TRIM46: variants seen among roughly 807,000 people sequenced by gnomAD.
TRIM46 encodes the protein tripartite motif containing 46, also known as tripartite motif-containing protein 46.
In TRIM46, 17 loss-of-function variants were observed where a neutral mutation model predicts 69.7. The ratio of observed to expected loss-of-function variants is 0.24; its 90% CI spans 0.17 to 0.37. The LOEUF (loss-of-function observed/expected upper bound fraction) is 0.37. Ranked by LOEUF, TRIM46 falls within the 10% of genes least tolerant of loss-of-function variation. TRIM46 has a pLI of 1.00. For missense variants in TRIM46, 675 were observed against 1,025.1 expected (o/e 0.66, Z 4.66); for synonymous variants, 391 against 429.0 (o/e 0.91, Z 1.09).
At position 155,175,309 on chromosome 1, in the gene TRIM46, A is replaced by G; in HGVS notation, c.64-77A>G. On this transcript the variant is annotated intron_variant, in intron 1 of 9. Coordinates refer to ENST00000334634, the MANE Select transcript of TRIM46 (RefSeq NM_025058.5). The surrounding 1 kb of genome is among the most constrained non-coding windows in gnomAD (Gnocchi z 4.2). ...TGCTCCTTCCTCAGACCCCTAGGGTATCCAAGGGCAGCCAAGGGGCTGCTG... is the reference window on the plus strand; with the variant it reads ...TGCTCCTTCCTCAGACCCCTAGGGTGTCCAAGGGCAGCCAAGGGGCTGCTG... 1 of 1,592,678 alleles carries G rather than the reference A, an allele frequency of 6.3e-7. No homozygotes were observed. Among genetic ancestry groups the G allele is most frequent in the South Asian group, 1.1e-5 (1 of 87,988 alleles).
At chr1:155,178,739 T>TGGGGCCCCCCCCCCCCC in intron 7 of TRIM46, 126 bp downstream of exon 7, 14 of 1,348,452 alleles carry the variant, frequency 1.0e-5, no homozygotes, top group Non-Finnish European at 1.3e-5. Flanking sequence ...CAGCCATTCC[T>TGGGGCCCCCCCCCCCCC]CCCACCCAGC....
At position 155,175,510 on chromosome 1, in the gene TRIM46, A is replaced by T; in HGVS notation, c.188A>T (p.Gln63Leu). ...GCCTGTGCCCGAGAGGTCTTGGGCC[A>T]GCAGGGCTACATAGGACATGGTGGG... The part of the protein sequence containing the change: ...CQACAREVLG[Q>L]QGYIGHGGDP... Residue 63 changes from glutamine (Q) to leucine (L), a missense_variant, in exon 2 of 10, where the codon CAG (glutamine) becomes CTG (leucine). By Grantham distance (113) the Gln-to-Leu change is moderately radical. Transcript: ENST00000334634. This position sits in a 1 kb window ranked among gnomAD's most constrained non-coding sequence, Gnocchi z 4.2. The T allele has an allele frequency of 6.2e-7, 1 of 1,614,128 alleles. No individual in the cohort carries two copies. Among genetic ancestry groups the T allele is most frequent in the Non-Finnish European group, 8.5e-7 (1 of 1,179,988 alleles).
Position 155,178,017 on chromosome 1 carries a change from G to A in TRIM46, c.925G>A (p.Ala309Thr), listed in dbSNP as rs1404626388. The A allele has an allele frequency of 6.2e-7, 1 of 1,613,080 alleles. No homozygotes were observed. The highest frequency in any genetic ancestry group is 1.3e-5 in the African/African-American group (1 of 74,916). Residue 309 changes from alanine to threonine, a missense_variant, in exon 6 of 10, where the codon GCC becomes ACC. By Grantham distance (58) the Ala-to-Thr change is moderately conservative. Transcript: ENST00000334634. ...VRHTEVSGQQ[A>T]KEEVSQLVRG... is the part of the protein sequence containing the mutation. Reference sequence around the variant, plus strand: ...CCCTGGGCAGGTGAGTGGTCAGCAGGCCAAGGAGGAGGTGTCGCAGCTGGT... The same window carrying A: ...CCCTGGGCAGGTGAGTGGTCAGCAGACCAAGGAGGAGGTGTCGCAGCTGGT...
rs1054885850 is a variant in TRIM46, at chr1:155,181,040, C to G, written c.1589-812C>G. Among the ~76,000 whole-genome samples, 1 of 151,960 alleles carries G rather than the reference C, an allele frequency of 6.6e-6. No individual in the cohort carries two copies. The highest frequency in any genetic ancestry group is 2.4e-5 in the African/African-American group (1 of 41,348). The stretch of plus-strand genomic sequence containing the variant: ...ACGAGGTCAGGCGTTCAAGACCAGC[C>G]TGGCCAACATAGTGAAACCCCGTCT... On this transcript the variant is annotated intron_variant, in intron 8 of 9. Coordinates refer to ENST00000334634, the MANE Select transcript of TRIM46 (RefSeq NM_025058.5). The surrounding 1 kb of genome is among the most constrained non-coding windows in gnomAD (Gnocchi z 4.3).
chr1:155,183,134 T>G (rs901685267), intron 9 of TRIM46, among the ~76,000 whole-genome samples: 3 of 151,836 alleles, frequency 2.0e-5, no homozygotes, highest in African/African-American at 7.3e-5. Flanking sequence ...ATGGTCTCAA[T>G]CTCCTGACCT....
At chr1:155,179,527 C>T in intron 7 of TRIM46, 105 bp from the exon 8 acceptor site, 1 of 1,057,794 alleles carries the variant, frequency 9.5e-7, no homozygotes, top group Non-Finnish European at 1.4e-6. Context: ...CTCACCCACA[C>T]TCACCCCCCC....
chr1:155,184,067 C>T lies in TRIM46; in HGVS notation c.2157C>T (p.Asp719=). 6.2e-7 allele frequency: 1 copy of T among 1,614,130 alleles called. No individual in the cohort carries two copies. The highest frequency in any genetic ancestry group is 8.5e-7 in the Non-Finnish European group (1 of 1,180,040). ...GTGGGCTCTTGGAGTGCCCCCTGGA[C>T]TGCTCAGGGCCTGTGTGCCCTGCCT... is the stretch of plus-strand genomic sequence containing the variant. ...SFRGLLECPL[D]CSGPVCPAFC... Residue 719 remains aspartate (D), a synonymous_variant, in exon 10 of 10, where the codon GAC becomes GAT. Coordinates refer to ENST00000334634, the MANE Select transcript of TRIM46 (RefSeq NM_025058.5). This position sits in a 1 kb window ranked among gnomAD's most constrained non-coding sequence, Gnocchi z 5.6.
In TRIM46 at chr1:155,179,950, C is replaced by A; in HGVS notation, c.1588+16C>A. 6.4e-7 allele frequency: 1 copy of A among 1,560,364 alleles called. No individual in the cohort carries two copies. On this transcript the variant is annotated intron_variant, in intron 8 of 9. Coordinates refer to ENST00000334634, the MANE Select transcript of TRIM46 (RefSeq NM_025058.5). ...CCGGCACCTGGTGAGTGGGCAGGCA[C>A]AGGTGGTCGTGCAAAGGGCATGGGG...
rs781107374 is a variant in TRIM46 at position 155,176,212 on chromosome 1, C to A, written c.650C>A (p.Thr217Asn). 4.4e-6 allele frequency: 7 copies of A among 1,604,870 alleles called. No individual in the cohort carries two copies. Among genetic ancestry groups the A allele is most frequent in the Non-Finnish European group, 5.1e-6 (6 of 1,177,982 alleles). ...QKAQHEPTLP[T>N]LSFRPKGLMC... ...GCCCAGCATGAGCCCACCCTGCCTACCCTCTCCTTCCGACCCAAGGTGAGC... is the reference window on the plus strand; with the variant it reads ...GCCCAGCATGAGCCCACCCTGCCTAACCTCTCCTTCCGACCCAAGGTGAGC... The change falls in exon 3 of 10, where the codon ACC becomes AAC. Residue 217 changes from threonine (T) to asparagine (N), a missense_variant. Thr to Asn is a moderately conservative substitution (Grantham distance 65, BLOSUM62 0). Transcript: ENST00000334634.
Position 155,184,350 on chromosome 1 carries a change from A to G in TRIM46, c.*160A>G. 1 of 809,864 alleles carries G rather than the reference A, an allele frequency of 1.2e-6. No individual in the cohort carries two copies. 50.2% of individuals were successfully genotyped at this position (809,864 alleles called of 1,614,324 possible). A position where few individuals can be genotyped will look rare whatever the true frequency, so the allele number is the denominator to read the frequency against. On this transcript the variant is annotated 3_prime_UTR_variant, in exon 10 of 10. Coordinates refer to ENST00000334634, the MANE Select transcript of TRIM46 (RefSeq NM_025058.5). This position sits in a 1 kb window ranked among gnomAD's most constrained non-coding sequence, Gnocchi z 5.6. ...TCTGTCTTCCCACAGTTTTCTCTTG[A>G]CCCAGGGGCTCTCTTCTGCCCACCT...
Position 155,179,698 on chromosome 1 carries a change from G to A in TRIM46, c.1352G>A (p.Arg451Gln). ...TATGATCAGATCTTCCTGTGCTGGC[G>A]GCTGCCCCCCCATTCACCACCTGCC... The part of the protein sequence containing the change: ...FAYDQIFLCW[R>Q]LPPHSPPAWH... The change falls in exon 8 of 10, where the codon CGG becomes CAG. Residue 451 changes from arginine to glutamine, a missense_variant. By Grantham distance (43) the Arg-to-Gln change is conservative (BLOSUM62 1). Transcript: ENST00000334634. 6 of 1,613,410 alleles carry A rather than the reference G, an allele frequency of 3.7e-6. No homozygotes were observed. The highest frequency in any genetic ancestry group is 2.2e-5 in the East Asian group (1 of 44,882).
At chr1:155,177,970 C>A in intron 5 of TRIM46, 32 bp from the exon 6 acceptor site, 1 of 1,603,620 alleles carries the variant, frequency 6.2e-7, no homozygotes, top group South Asian at 1.1e-5. Context: ...GATAGTAAGT[C>A]ACGCATCCTT....
intron 1 of TRIM46, chr1:155,174,684 C>T (rs1209129886): frequency 8.3e-6 from 12 of 1,442,260 alleles, no homozygotes; most frequent in Non-Finnish European, 1.1e-5. Flanking sequence ...CCCCCACTCT[C>T]GCCACCAAGA....
In TRIM46 at chr1:155,174,729, AGGCGG is replaced by A. The variant is rs1042679572; in HGVS notation, c.64-653_64-649del. Reference sequence around the variant, plus strand: ...GACTTCCGGTGGGGAGGGGGCGAGTAGGCGGGGCTCTTGATTCCCCCGCTAGTTCG... The same window carrying A: ...GACTTCCGGTGGGGAGGGGGCGAGTAGGCTCTTGATTCCCCCGCTAGTTCG... On this transcript the variant is annotated intron_variant, in intron 1 of 9. Transcript: ENST00000334634. 4 of 1,443,768 alleles carry A rather than the reference AGGCGG, an allele frequency of 2.8e-6. No individual in the cohort carries two copies. The Admixed American group carries it at 1.0e-4, about 38-fold the overall frequency. The allele number at this position is 1,443,768 out of a possible 1,614,324, so 89.4% of individuals were successfully genotyped here.
At position 155,173,873 on chromosome 1, in the gene TRIM46, C is replaced by A; in HGVS notation, c.-94C>A. Reference sequence around the variant, plus strand: ...CGCAGTGACACCTCAACCCCCAGCCCTCCTCACACCCCCACTGGGCTCCTG... The same window carrying A: ...CGCAGTGACACCTCAACCCCCAGCCATCCTCACACCCCCACTGGGCTCCTG... On this transcript the variant is annotated 5_prime_UTR_variant, in exon 1 of 10. Transcript: ENST00000334634. 1 of 1,319,454 alleles carries A rather than the reference C, an allele frequency of 7.6e-7. No homozygotes were observed. Among genetic ancestry groups the A allele is most frequent in the Non-Finnish European group, 1.1e-6 (1 of 945,136 alleles). The allele number at this position is 1,319,454 out of a possible 1,614,324, so 81.7% of individuals were successfully genotyped here. A position where few individuals can be genotyped will look rare whatever the true frequency, so the allele number is the denominator to read the frequency against.
At chr1:155,183,619 C>T (rs1253520241) in intron 9 of TRIM46, among the ~76,000 whole-genome samples, 178 bp from the exon 10 acceptor site, 1 of 152,176 alleles carries the variant, frequency 6.6e-6, no homozygotes, top group Non-Finnish European at 1.5e-5. Flanking sequence ...TTCCACCAAA[C>T]CCAAACCCCT....
At chr1:155,183,177 T>C (rs181713366) in intron 9 of TRIM46, among the ~76,000 whole-genome samples, 2,236 of 152,134 alleles carry the variant, frequency 0.015, 18 homozygotes, top group Middle Eastern at 0.024. Flanking sequence ...CCCAAAGTGC[T>C]GGGATTACAG....
intron 8 of TRIM46, chr1:155,180,413 G>T: frequency 2.7e-6 from 1 of 371,696 alleles, no homozygotes; most frequent in Non-Finnish European, 4.8e-6. Flanking sequence ...TGGCCAACAT[G>T]GTGAAACCCC....
rs762208041 is a variant in TRIM46 at position 155,178,575 on chromosome 1, G to T, written c.1247G>T (p.Arg416Leu). 1 of 1,613,892 alleles carries T rather than the reference G, an allele frequency of 6.2e-7. No homozygotes were observed. The highest frequency in any genetic ancestry group is 1.3e-5 in the African/African-American group (1 of 74,940). The change falls in exon 7 of 10, where the codon CGT becomes CTT. Residue 416 changes from arginine to leucine, a missense_variant. By Grantham distance (102) the Arg-to-Leu change is moderately radical (BLOSUM62 -2). Around this residue, in one of 5 missense-constraint regions of TRIM46, gnomAD observed 361 missense variants for 498.3 expected, o/e 0.72. Transcript: ENST00000334634. ...CGCCATTGCCAGCTCGACGTGGGACGTGAGATGAAGCTGCTGACAGAGCTT... is the reference window on the plus strand; with the variant it reads ...CGCCATTGCCAGCTCGACGTGGGACTTGAGATGAAGCTGCTGACAGAGCTT... Reference protein sequence around the residue: ...SFRHCQLDVGREMKLLTELNF... With the variant: ...SFRHCQLDVGLEMKLLTELNF...
Sources: gnomAD v4.1 joint callset for allele counts (sites outside exome capture counted in the v4.1 genomes callset) on GRCh38, gnomAD v4.1.1 for gene constraint, gnomAD v4.1.1 regional missense constraint, Gnocchi (gnomAD v3.1) non-coding constraint, MANE v1.5 for transcripts, NCBI Gene and HGNC (gene_info 2026-07-23, HGNC 2026-07-21) for gene names.